CBY1: variants seen among roughly 807,000 people sequenced by gnomAD.
The protein encoded by CBY1 is protein chibby homolog 1.
Under a neutral mutation model 15.6 loss-of-function variants are expected in CBY1, and 10 were observed. The ratio of observed to expected loss-of-function variants is 0.64; its 90% CI spans 0.40 to 1.09. CBY1 has a LOEUF of 1.09. Ranked by LOEUF, CBY1 falls within the 50% of genes least tolerant of loss-of-function variation. The pLI, the probability that CBY1 is intolerant of heterozygous loss-of-function variation, is 0.01. For missense variants in CBY1, 150 were observed against 160.5 expected, an observed-to-expected ratio of 0.93 and a Z score of 0.35; for synonymous variants, 61 against 63.5, an observed-to-expected ratio of 0.96 and a Z score of 0.19.
At position 38,668,096 on chromosome 22, in the gene CBY1, T is replaced by A; in HGVS notation, c.42T>A (p.Pro14=). Residue 14 remains proline, a synonymous_variant, in exon 2 of 5, where the codon CCT becomes CCA. Transcript: ENST00000216029. ...ATACGTTCAGTCCGAAGAAGACACC[T>A]CCTCGGAAGTCGGCATCTCTCTCCA... ...FGNTFSPKKT[P]PRKSASLSNL... 2.5e-6 allele frequency: 4 copies of A among 1,613,532 alleles called. No homozygotes were observed. Among genetic ancestry groups the A allele is most frequent in the Non-Finnish European group, 2.5e-6 (3 of 1,179,538 alleles).
At chr22:38,671,396 A>G (rs569617536) in intron 4 of CBY1, 1 of 563,770 alleles carries the variant, frequency 1.8e-6, no homozygotes, top group African/African-American at 1.9e-5. Context: ...TTACATAAGG[A>G]CCCAGTTGGA....
chr22:38,673,260 G>C lies in CBY1; in HGVS notation c.*24G>C. The C allele has an allele frequency of 6.5e-7, 1 of 1,528,070 alleles. No homozygotes were observed. The highest frequency in any genetic ancestry group is 9.1e-7 in the Non-Finnish European group (1 of 1,102,174). 94.7% of individuals were successfully genotyped at this position (1,528,070 alleles called of 1,614,324 possible). A position where few individuals can be genotyped will look rare whatever the true frequency, so the allele number is the denominator to read the frequency against. ...GAAGACCCCAGAGACATTTATTGGG[G>C]AGTAGGATGTGGCTGAGTGCTTTTT... On this transcript the variant is annotated 3_prime_UTR_variant, in exon 5 of 5. Coordinates refer to ENST00000216029, the MANE Select transcript of CBY1 (RefSeq NM_015373.4).
intron 2 of CBY1, 38 bp from the exon 3 acceptor site, chr22:38,670,846 G>A (rs3761455): frequency 0.032 from 45,964 of 1,421,278 alleles, 1,869 homozygotes; most frequent in African/African-American, 0.17. Flanking sequence ...GGCGTGTTCC[G>A]GGCCTGCTGA....
chr22:38,671,088 G>C lies in CBY1; in HGVS notation c.203G>C (p.Gly68Ala). The C allele has an allele frequency of 1.2e-6, 2 of 1,614,198 alleles. No individual in the cohort carries two copies. Among genetic ancestry groups the C allele is most frequent in the Non-Finnish European group, 1.7e-6 (2 of 1,179,980 alleles). ...QWIAETGVSG[G>A]VDRREVQRLR... The stretch of plus-strand genomic sequence containing the variant: ...CCTCCAGAGACAGGGGTTAGTGGCG[G>C]TGTGGACCGGAGGGAGGTTCAGCGC... The change falls in exon 4 of 5, where the codon GGT (glycine) becomes GCT (alanine). Residue 68 changes from glycine to alanine, a missense_variant. By Grantham distance (60) the Gly-to-Ala change is moderately conservative. Coordinates refer to ENST00000216029, the MANE Select transcript of CBY1 (RefSeq NM_015373.4).
At chr22:38,667,815 C>A in intron 1 of CBY1, 1 of 531,904 alleles carries the variant, frequency 1.9e-6, no homozygotes, top group Non-Finnish European at 3.4e-6. Context: ...TTCATGAGAG[C>A]AGAGCTCACA....
At chr22:38,663,149 G>T (rs1201323582) in intron 1 of CBY1, among the ~76,000 whole-genome samples, 1 of 151,774 alleles carries the variant, frequency 6.6e-6, no homozygotes, top group African/African-American at 2.4e-5. Context: ...ATAAATAATT[G>T]GATTTCATTA....
chr22:38,658,395 A>G (rs1002466265), intron 1 of CBY1, among the ~76,000 whole-genome samples: 3 of 151,980 alleles, frequency 2.0e-5, no homozygotes, highest in South Asian at 2.1e-4. Context: ...AAGTGCTGGG[A>G]TTACAGGCAT....
intron 2 of CBY1, chr22:38,670,263 G>A (rs2092448623): frequency 6.6e-6 from 1 of 152,264 alleles, no homozygotes; most frequent in Admixed American, 6.6e-5. Flanking sequence ...GGGTATGGTG[G>A]TGCATGCCTG....
chr22:38,657,018 A>G (rs1042506830), intron 1 of CBY1: 1 of 320,380 alleles, frequency 3.1e-6, no homozygotes, highest in Non-Finnish European at 4.5e-6. Context: ...CTGTTACTTG[A>G]GTCCGACAGC....
Position 38,673,286 on chromosome 22 carries a change from T to C in CBY1, c.*50T>C, listed in dbSNP as rs1219931907. ...AGTAGGATGTGGCTGAGTGCTTTTT[T>C]TTTGGCCAGACTAGCGGATTCAGTC... On this transcript the variant is annotated 3_prime_UTR_variant, in exon 5 of 5. Coordinates refer to ENST00000216029, the MANE Select transcript of CBY1 (RefSeq NM_015373.4). 7 of 1,268,594 alleles carry C rather than the reference T, an allele frequency of 5.5e-6. No homozygotes were observed. Among genetic ancestry groups the C allele is most frequent in the African/African-American group, 1.5e-5 (1 of 68,174 alleles). 78.6% of individuals were successfully genotyped at this position (1,268,594 alleles called of 1,614,324 possible). A position where few individuals can be genotyped will look rare whatever the true frequency, so the allele number is the denominator to read the frequency against.
chr22:38,658,522 G>A (rs538751562), intron 1 of CBY1, among the ~76,000 whole-genome samples: 5 of 151,408 alleles, frequency 3.3e-5, no homozygotes, highest in Admixed American at 3.3e-4. Flanking sequence ...GTGCAGTGGT[G>A]CGATCTCGGC....
At chr22:38,661,043 C>G (rs971421530) in intron 1 of CBY1, among the ~76,000 whole-genome samples, 3 of 152,064 alleles carry the variant, frequency 2.0e-5, no homozygotes, top group Admixed American at 6.6e-5. Context: ...CATCTTGGTC[C>G]CCACCCCGTC....
At chr22:38,660,194 T>C (rs977008533) in intron 1 of CBY1, among the ~76,000 whole-genome samples, 1 of 152,084 alleles carries the variant, frequency 6.6e-6, no homozygotes, top group African/African-American at 2.4e-5. Flanking sequence ...AAAATGCATT[T>C]TTTTAACTTT....
chr22:38,671,855 G>T (rs1037873064), intron 4 of CBY1, among the ~76,000 whole-genome samples: 12 of 152,122 alleles, frequency 7.9e-5, no homozygotes, highest in African/African-American at 2.9e-4. Flanking sequence ...TAATTGTGGT[G>T]GTGCACCCCT....
intron 1 of CBY1, among the ~76,000 whole-genome samples, chr22:38,660,256 G>A (rs1053132048): frequency 1.3e-5 from 2 of 151,402 alleles, no homozygotes; most frequent in East Asian, 2.0e-4. Flanking sequence ...GTGCAGTGGC[G>A]TGATCTTGGC....
rs1386663105 is a variant in CBY1, at chr22:38,671,065, T to C, written c.185-5T>C. On this transcript the variant is annotated splice_region_variant and splice_polypyrimidine_tract_variant and intron_variant, in intron 3 of 4. Transcript: ENST00000216029. ...CCCCTTTAACTGGTTCTGTCCTTCC[T>C]CCAGAGACAGGGGTTAGTGGCGGTG... is the stretch of plus-strand genomic sequence containing the variant. The C allele has an allele frequency of 2.9e-5, 46 of 1,613,910 alleles. No homozygotes were observed. In the Admixed American group the frequency reaches 7.7e-4, roughly 27 times the overall value.
At chr22:38,673,114 T>C (rs971228809) in intron 4 of CBY1, 45 bp from the exon 5 acceptor site, 4 of 1,427,542 alleles carry the variant, frequency 2.8e-6, no homozygotes, top group Non-Finnish European at 4.0e-6. Flanking sequence ...CCGAAACATT[T>C]CCTAGAAATG....
At chr22:38,668,651 G>A in intron 2 of CBY1, 1 of 154,152 alleles carries the variant, frequency 6.5e-6, no homozygotes, top group East Asian at 1.9e-4. Context: ...GATTACAGGT[G>A]TGAGCCACTG....
At chr22:38,665,607 C>A in intron 1 of CBY1, 1 of 502,514 alleles carries the variant, frequency 2.0e-6, no homozygotes, top group Non-Finnish European at 3.1e-6. Flanking sequence ...GGATAAATGT[C>A]AGAAACATGA....
Sources: gnomAD v4.1 joint callset for allele counts (sites outside exome capture counted in the v4.1 genomes callset) on GRCh38, gnomAD v4.1.1 for gene constraint, MANE v1.5 for transcripts, NCBI Gene and HGNC (gene_info 2026-07-23, HGNC 2026-07-21) for gene names.